Variants in OTOGL observed in about 807,000 individuals in gnomAD.
OTOGL encodes otogelin like, also known as otogelin-like protein.
OTOGL carries 285 observed loss-of-function variants against 318.5 expected under a neutral mutation model. The observed-to-expected ratio is 0.89, with a 90% CI of 0.81 to 0.99. The LOEUF (loss-of-function observed/expected upper bound fraction) is 0.99, where lower values mean the gene tolerates loss of function less well. Among genes scored for constraint, OTOGL ranks in the 50% least tolerant of loss-of-function variants. The pLI is 0.00. For missense variants in OTOGL, 2,899 were observed against 2,845.6 expected, an observed-to-expected ratio of 1.02 and a Z score of -0.43; for synonymous variants, 987 against 936.5, an observed-to-expected ratio of 1.05 and a Z score of -0.99.
At chr12:80,357,883 A>G (rs901959300) in intron 49 of OTOGL, among the ~76,000 whole-genome samples, 4 of 152,160 alleles carry the variant, frequency 2.6e-5, no homozygotes, top group African/African-American at 9.7e-5. Context: ...AGCCCAAAAG[A>G]ACAAACGCCT....
intron 43 of OTOGL, 34 bp downstream of exon 43, chr12:80,339,298 GTTTTTTTTTTTTT>G (rs10715159): frequency 4.3e-5 from 23 of 538,106 alleles, no homozygotes; most frequent in South Asian, 1.6e-4. Context: ...GATTTCGTCT[GTTTTTTTTTTTTT>G]TTTTTTTTTT....
At chr12:80,147,439 T>C (rs1872466127) in intron 1 of OTOGL, among the ~76,000 whole-genome samples, 2 of 151,292 alleles carry the variant, frequency 1.3e-5, no homozygotes, top group Non-Finnish European at 2.9e-5. Context: ...ATAATCTCTG[T>C]TCTTTTACAT....
chr12:80,218,652 C>A (rs1467840437), intron 5 of OTOGL, among the ~76,000 whole-genome samples: 1 of 151,904 alleles, frequency 6.6e-6, no homozygotes, highest in Non-Finnish European at 1.5e-5. Flanking sequence ...CAGTTACTTG[C>A]TTTCTCTTTT....
At chr12:80,174,429 T>C (rs552961472) in intron 1 of OTOGL, among the ~76,000 whole-genome samples, 32 of 152,358 alleles carry the variant, frequency 2.1e-4, no homozygotes, top group Non-Finnish European at 3.5e-4. Context: ...TTTAGTCTTA[T>C]ACTTGGCCTG....
intron 26 of OTOGL, among the ~76,000 whole-genome samples, chr12:80,295,357 A>G (rs2137701661): frequency 6.6e-6 from 1 of 152,072 alleles, no homozygotes; most frequent in Non-Finnish European, 1.5e-5. Flanking sequence ...TTGCATTTTT[A>G]GTAGAGACTG....
At chr12:80,147,276 A>G (rs1872449382) in intron 1 of OTOGL, among the ~76,000 whole-genome samples, 1 of 147,240 alleles carries the variant, frequency 6.8e-6, no homozygotes, top group Admixed American at 6.7e-5. Context: ...GTTGGTTTCA[A>G]AGAACATCTT....
chr12:80,252,781 CT>C (rs528315776), intron 13 of OTOGL, among the ~76,000 whole-genome samples: 405 of 152,264 alleles, frequency 2.7e-3, no homozygotes, highest in African/African-American at 9.2e-3. Context: ...GGAACCAGAT[CT>C]GTTTGGCCTC....
chr12:80,321,525 T>C (rs1399939516), intron 34 of OTOGL, among the ~76,000 whole-genome samples: 1 of 152,062 alleles, frequency 6.6e-6, no homozygotes, highest in Non-Finnish European at 1.5e-5. Context: ...TGTATACATA[T>C]GTAACAAATA....
At chr12:80,122,781 A>G (rs73356908) in intron 1 of OTOGL, among the ~76,000 whole-genome samples, 1,710 of 152,216 alleles carry the variant, frequency 0.011, 38 homozygotes, top group African/African-American at 0.039. Flanking sequence ...CATTTTTCAT[A>G]TATGCTTTGT....
chr12:80,373,794 T>C (rs1342155700), intron 57 of OTOGL, among the ~76,000 whole-genome samples: 1 of 152,120 alleles, frequency 6.6e-6, no homozygotes, highest in East Asian at 1.9e-4. Context: ...ATACCTCTTG[T>C]AAGTGATAAT....
At position 80,378,841 on chromosome 12, in the gene OTOGL, A is replaced by G. The variant is rs1194717805; in HGVS notation, c.*793A>G. On this transcript the variant is annotated 3_prime_UTR_variant, in exon 59 of 59. Transcript: ENST00000547103. Reference sequence around the variant, plus strand: ...ATGCCCCCCATACATTGTTATTCCAATAGTAAGGAGCAGGGAAATATAGCA... The same window carrying G: ...ATGCCCCCCATACATTGTTATTCCAGTAGTAAGGAGCAGGGAAATATAGCA... The G allele has an allele frequency of 7.2e-5, 11 of 152,114 alleles. No individual in the cohort carries two copies. The highest frequency in any genetic ancestry group is 1.6e-4 in the Non-Finnish European group (11 of 67,952). 9.4% of individuals were successfully genotyped at this position (152,114 alleles called of 1,614,324 possible). A position where few individuals can be genotyped will look rare whatever the true frequency, so the allele number is the denominator to read the frequency against.
At chr12:80,351,203 CA>C (rs1889521512) in intron 44 of OTOGL, among the ~76,000 whole-genome samples, 1 of 151,918 alleles carries the variant, frequency 6.6e-6, no homozygotes, top group Admixed American at 6.6e-5. Context: ...TGTCAAAAAT[CA>C]GTTGGCTGGC....
At chr12:80,243,749 C>A (rs1385644646) in intron 11 of OTOGL, among the ~76,000 whole-genome samples, 3 of 149,244 alleles carry the variant, frequency 2.0e-5, no homozygotes, top group Non-Finnish European at 4.4e-5. Flanking sequence ...AGCCCTTAGA[C>A]TATAGAATTA....
chr12:80,326,288 A>G (rs1044101519), intron 35 of OTOGL, among the ~76,000 whole-genome samples: 2 of 152,080 alleles, frequency 1.3e-5, no homozygotes, highest in African/African-American at 2.4e-5. Context: ...AAAAGCTGCC[A>G]AGTAACATAC....
chr12:80,337,752 G>A (rs1478894331), intron 42 of OTOGL, among the ~76,000 whole-genome samples: 1 of 152,002 alleles, frequency 6.6e-6, no homozygotes, highest in East Asian at 1.9e-4. Context: ...AACTCCATTT[G>A]TTAGCATAGG....
At chr12:80,349,714 G>A (rs541109520) in intron 44 of OTOGL, among the ~76,000 whole-genome samples, 22 of 152,260 alleles carry the variant, frequency 1.4e-4, no homozygotes, top group African/African-American at 4.8e-4. Context: ...AAGTAAGGTG[G>A]TTGGAAACTG....
At chr12:80,206,890 A>G (rs1161299905) in intron 1 of OTOGL, among the ~76,000 whole-genome samples, 1 of 152,190 alleles carries the variant, frequency 6.6e-6, no homozygotes, top group Non-Finnish European at 1.5e-5. Context: ...AACATCAAAT[A>G]ATACAGGCTT....
intron 1 of OTOGL, among the ~76,000 whole-genome samples, chr12:80,114,447 C>A (rs576352098): frequency 3.5e-4 from 53 of 152,296 alleles, no homozygotes; most frequent in African/African-American, 1.2e-3. Flanking sequence ...AGCCCCTACA[C>A]TTTTCTGGCT....
intron 1 of OTOGL, among the ~76,000 whole-genome samples, chr12:80,113,303 T>A (rs561015745): frequency 1.2e-4 from 18 of 152,222 alleles, no homozygotes; most frequent in Middle Eastern, 3.4e-3. Context: ...GCTTTTGAAT[T>A]TGTTTGCTCT....
Sources: allele counts gnomAD v4.1 joint callset (sites outside exome capture counted in the v4.1 genomes callset), GRCh38; gene constraint gnomAD v4.1.1; transcripts MANE v1.5; gene names NCBI Gene and HGNC (gene_info 2026-07-23, HGNC 2026-07-21).